ARID4B: variants seen among roughly 807,000 people sequenced by gnomAD.
ARID4B encodes AT-rich interaction domain 4B.
Under a neutral mutation model 147.5 loss-of-function variants are expected in ARID4B, and 26 were observed. The observed-to-expected ratio is 0.18, with a 90% CI of 0.13 to 0.24. ARID4B has a LOEUF of 0.24. Ranked by LOEUF, ARID4B falls within the 10% of genes least tolerant of loss-of-function variation. The pLI is 1.00. For missense variants in ARID4B, 1,179 were observed against 1,511.5 expected (o/e 0.78, Z 3.65); for synonymous variants, 512 against 507.9 (o/e 1.01, Z -0.11).
At position 235,215,051 on chromosome 1, in the gene ARID4B, G is replaced by A. The variant is rs189319455; in HGVS notation, c.1584-1025C>T. On this transcript the variant is annotated intron_variant, in intron 16 of 23. Transcript: ENST00000264183. ...GTAGTGACAGGGTTTCACCATGTTGGTCAGGCTGGTCTCAAACTCCTGACC... is the reference window on the plus strand; with the variant it reads ...GTAGTGACAGGGTTTCACCATGTTGATCAGGCTGGTCTCAAACTCCTGACC... Among the ~76,000 whole-genome samples, 682 of 151,834 alleles carry A rather than the reference G, an allele frequency of 4.5e-3. 5 individuals carry two copies. Among genetic ancestry groups the A allele is most frequent in the African/African-American group, 0.016 (653 of 41,384 alleles).
At chr1:235,247,618 C>T (rs1268412884) in intron 6 of ARID4B, among the ~76,000 whole-genome samples, 2 of 152,206 alleles carry the variant, frequency 1.3e-5, no homozygotes, top group East Asian at 1.9e-4. Context: ...TCTCATAGGG[C>T]AAAAAATCTA....
chr1:235,301,628 C>G (rs1304971891), intron 2 of ARID4B, among the ~76,000 whole-genome samples: 6 of 150,724 alleles, frequency 4.0e-5, no homozygotes, highest in Admixed American at 2.7e-4. Flanking sequence ...TCACTGCAAC[C>G]TCCCTCCACC....
intron 6 of ARID4B, among the ~76,000 whole-genome samples, chr1:235,247,928 C>G (rs561545587): frequency 6.6e-6 from 1 of 152,030 alleles, no homozygotes; most frequent in South Asian, 2.1e-4. Flanking sequence ...GCAGAGGTTG[C>G]GGTGAGCCAA....
At chr1:235,302,935 C>A (rs12739183) in intron 2 of ARID4B, among the ~76,000 whole-genome samples, 1 of 149,860 alleles carries the variant, frequency 6.7e-6, no homozygotes, top group South Asian at 2.1e-4. Context: ...TTCTTTTTTT[C>A]TTTTTTTTGA....
Position 235,315,387 on chromosome 1 carries a change from G to A in ARID4B, c.6+11527C>T, listed in dbSNP as rs1240151089. Among the ~76,000 whole-genome samples, 10 of 152,206 alleles carry A rather than the reference G, an allele frequency of 6.6e-5. No individual in the cohort carries two copies. In the South Asian group the frequency reaches 1.2e-3, roughly 19 times the overall value. ...GGAGGCTGCAGTGAGCTATGATTGC[G>A]CCACCGCACTCCAACCTGGGCCGCA... On this transcript the variant is annotated intron_variant, in intron 2 of 23. Coordinates refer to ENST00000264183, the MANE Select transcript of ARID4B (RefSeq NM_016374.6).
chr1:235,229,184 C>T, intron 11 of ARID4B, 47 bp downstream of exon 11: 3 of 1,580,676 alleles, frequency 1.9e-6, no homozygotes, highest in South Asian at 1.2e-5. Flanking sequence ...CAAGGGAAAC[C>T]CAACTGTTAT....
intron 2 of ARID4B, among the ~76,000 whole-genome samples, chr1:235,271,990 C>T (rs1671020995): frequency 8.7e-6 from 1 of 114,874 alleles, no homozygotes; most frequent in South Asian, 2.4e-4. Flanking sequence ...TAATCCCCAC[C>T]AACCAAGTTT....
At chr1:235,297,095 C>T (rs1672794950) in intron 2 of ARID4B, among the ~76,000 whole-genome samples, 1 of 151,988 alleles carries the variant, frequency 6.6e-6, no homozygotes, top group Non-Finnish European at 1.5e-5. Context: ...AGGAAATGTA[C>T]AAAGTGAACC....
intron 17 of ARID4B, among the ~76,000 whole-genome samples, chr1:235,200,914 A>G (rs1423033856): frequency 6.6e-6 from 1 of 152,036 alleles, no homozygotes; most frequent in East Asian, 1.9e-4. Context: ...GAGGCCGAGG[A>G]GGGCGGATCA....
chr1:235,274,368 G>A (rs1397510751), intron 2 of ARID4B, among the ~76,000 whole-genome samples: 1 of 151,844 alleles, frequency 6.6e-6, no homozygotes, highest in African/African-American at 2.4e-5. Context: ...GTGAGACTCC[G>A]ACTCAAAAAT....
intron 17 of ARID4B, among the ~76,000 whole-genome samples, chr1:235,197,098 C>T (rs932152239): frequency 2.6e-5 from 4 of 151,954 alleles, no homozygotes; most frequent in African/African-American, 9.7e-5. Context: ...TTACTATTAA[C>T]TGCAATAAAA....
intron 22 of ARID4B, 29 bp downstream of exon 22, chr1:235,175,155 T>A: frequency 6.4e-7 from 1 of 1,570,902 alleles, no homozygotes; most frequent in South Asian, 1.1e-5. Flanking sequence ...ATGAAGTTTG[T>A]ATGCTTGTCA....
intron 17 of ARID4B, among the ~76,000 whole-genome samples, chr1:235,196,868 A>G (rs531698583): frequency 2.0e-4 from 30 of 151,608 alleles, no homozygotes; most frequent in East Asian, 3.9e-4. Flanking sequence ...AAAAAAAAAA[A>G]AAAGAAATAA....
chr1:235,192,184 CA>C (rs1320021413), intron 19 of ARID4B, among the ~76,000 whole-genome samples: 1 of 151,930 alleles, frequency 6.6e-6, no homozygotes, highest in Non-Finnish European at 1.5e-5. Context: ...AAGGATTACA[CA>C]AAAGTCCAGA....
At chr1:235,290,307 G>A (rs1467082624) in intron 2 of ARID4B, among the ~76,000 whole-genome samples, 1 of 151,626 alleles carries the variant, frequency 6.6e-6, no homozygotes, top group African/African-American at 2.4e-5. Flanking sequence ...GCGGGGCATG[G>A]TGGTGCATGC....
intron 2 of ARID4B, among the ~76,000 whole-genome samples, chr1:235,319,497 T>A (rs1674674693): frequency 6.6e-6 from 1 of 152,200 alleles, no homozygotes; most frequent in East Asian, 1.9e-4. Context: ...GGCAACAGAC[T>A]GTGGCCATGT....
chr1:235,236,831 AAAATATATATATAT>A (rs1457619087), intron 8 of ARID4B, among the ~76,000 whole-genome samples: 2 of 27,500 alleles, frequency 7.3e-5, no homozygotes, highest in African/African-American at 3.3e-4. Context: ...GGTTTTATAA[AAAATATATATATAT>A]ATATATATAT....
At chr1:235,288,228 G>A (rs1000546636) in intron 2 of ARID4B, among the ~76,000 whole-genome samples, 1 of 151,972 alleles carries the variant, frequency 6.6e-6, no homozygotes, top group Admixed American at 6.6e-5. Context: ...AGAACTGCTT[G>A]AACTCAGGAG....
intron 11 of ARID4B, among the ~76,000 whole-genome samples, chr1:235,227,518 C>T (rs150899631): frequency 6.6e-6 from 1 of 152,242 alleles, no homozygotes; most frequent in East Asian, 1.9e-4. Context: ...TCATAACTTA[C>T]CTAAAGTATT....
Sources: gnomAD v4.1 joint callset for allele counts (sites outside exome capture counted in the v4.1 genomes callset) on GRCh38, gnomAD v4.1.1 for gene constraint, MANE v1.5 for transcripts, NCBI Gene and HGNC (gene_info 2026-07-23, HGNC 2026-07-21) for gene names.